Variants in ZNF880 observed in about 807,000 individuals in gnomAD.
ZNF880 encodes the protein zinc finger protein LOC400713.
Under a neutral mutation model 11.8 loss-of-function variants are expected in ZNF880, and 12 were observed. The observed-to-expected ratio is 1.02, with a 90% CI of 0.65 to 1.65. The LOEUF (loss-of-function observed/expected upper bound fraction) is 1.65. ZNF880 is among the 40% of genes most tolerant of loss of function. ZNF880 has a pLI of 0.00. For synonymous variants in ZNF880, 210 were observed against 232.4 expected, an observed-to-expected ratio of 0.90 and a Z score of 0.88; for missense variants, 601 against 673.9, an observed-to-expected ratio of 0.89 and a Z score of 1.20.
At chr19:52,382,879 G>A (rs1051080625) in intron 3 of ZNF880, among the ~76,000 whole-genome samples, 1 of 152,134 alleles carries the variant, frequency 6.6e-6, no homozygotes, top group African/African-American at 2.4e-5. Flanking sequence ...TGGTGATTTC[G>A]AATCTTCTGT....
rs1163952988 is a variant in ZNF880 at position 52,383,856 on chromosome 19, C to T, written c.276C>T (p.Ser92=). 1 of 1,542,338 alleles carries T rather than the reference C, an allele frequency of 6.5e-7. No individual in the cohort carries two copies. Among genetic ancestry groups the T allele is most frequent in the Non-Finnish European group, 8.7e-7 (1 of 1,145,574 alleles). Residue 92 remains serine, a synonymous_variant, in exon 4 of 4, where the codon AGC becomes AGT. Coordinates refer to ENST00000422689, the MANE Select transcript of ZNF880 (RefSeq NM_001145434.2). The part of the protein sequence containing the change: ...ECIKGVNAES[S]SKLGSNAGNK... ...TTTTTCTTTCTTTTTTAGAGAGCAG[C>T]TCTAAATTGGGAAGCAATGCCGGAA...
chr19:52,390,298 C>A (rs114127287), downstream of ZNF880: 2 of 382,106 alleles, frequency 5.2e-6, no homozygotes, highest in African/African-American at 4.3e-5. Context: ...TCCGCTCCCT[C>A]GTCAGCTCCT....
downstream of ZNF880, among the ~76,000 whole-genome samples, chr19:52,388,306 TAGGCA>T (rs1986949969): frequency 7.6e-6 from 1 of 131,088 alleles, no homozygotes; most frequent in African/African-American, 2.8e-5. Flanking sequence ...TTTTTTTTTT[TAGGCA>T]GAGTCTCTGT....
downstream of ZNF880, among the ~76,000 whole-genome samples, chr19:52,387,194 G>A (rs755857287): frequency 1.6e-4 from 23 of 144,080 alleles, 5 homozygotes; most frequent in Non-Finnish European, 1.8e-4. Context: ...TAAGGTTGAC[G>A]CATCCAGAAC....
chr19:52,369,852 G>C, upstream of ZNF880: 1 of 1,373,450 alleles, frequency 7.3e-7, no homozygotes, highest in Non-Finnish European at 1.0e-6. Flanking sequence ...TGGGAGCGAG[G>C]CGGAGGGAAG....
intron 2 of ZNF880, among the ~76,000 whole-genome samples, chr19:52,373,668 A>T (rs867436654): frequency 1.4e-4 from 14 of 101,572 alleles, no homozygotes; most frequent in African/African-American, 6.1e-4. Context: ...GAAATACTGT[A>T]ATTTTTTTTT....
chr19:52,367,048 C>T (rs948835586), upstream of ZNF880: 19 of 369,244 alleles, frequency 5.1e-5, no homozygotes, highest in South Asian at 6.0e-4. Flanking sequence ...CTGCTGGCAC[C>T]GTAATTTGTA....
chr19:52,373,065 T>G, intron 1 of ZNF880, 46 bp from the exon 2 acceptor site: 2 of 1,605,880 alleles, frequency 1.2e-6, no homozygotes, highest in East Asian at 4.5e-5. Flanking sequence ...AACTGTCTCC[T>G]CATTTTGTGT....
the ZNF880 span, chr19:52,391,477 G>GC: frequency 6.6e-6 from 1 of 151,928 alleles, no homozygotes. Context: ...AGGAAGAAGG[G>GC]CTTGAAATGA....
downstream of ZNF880, among the ~76,000 whole-genome samples, chr19:52,387,452 CTTTTT>C (rs10646059): frequency 3.1e-5 from 4 of 127,282 alleles, no homozygotes; most frequent in Admixed American, 3.1e-4. Context: ...ATGACAAATA[CTTTTT>C]TTTTTTTTTG....
At chr19:52,387,898 C>CT (rs71180454), downstream of ZNF880, among the ~76,000 whole-genome samples, 131 of 85,942 alleles carry the variant, frequency 1.5e-3, 4 homozygotes, top group East Asian at 3.5e-3. Context: ...CATAAATTTT[C>CT]TTTTTTTTTT....
chr19:52,384,142 G>C lies in ZNF880; in HGVS notation c.562G>C (p.Glu188Gln). Reference sequence around the variant, plus strand: ...AAGGGAAAAACCGTGTGAATGTAATGAGCATGGCAAAGCCTTTAGAGTGTC... The same window carrying C: ...AAGGGAAAAACCGTGTGAATGTAATCAGCATGGCAAAGCCTTTAGAGTGTC... ...QIREKPCECN[E>Q]HGKAFRVSSR... Residue 188 changes from glutamate to glutamine, a missense_variant, in exon 4 of 4, where the codon GAG becomes CAG. Physicochemically the swap from Glu to Gln is conservative, Grantham distance 29. Around this residue, in one of 3 missense-constraint regions of ZNF880, gnomAD observed 420 missense variants for 442.6 expected, o/e 0.95. Coordinates refer to ENST00000422689, the MANE Select transcript of ZNF880 (RefSeq NM_001145434.2). 1 of 1,605,470 alleles carries C rather than the reference G, an allele frequency of 6.2e-7. No homozygotes were observed. Among genetic ancestry groups the C allele is most frequent in the Non-Finnish European group, 8.5e-7 (1 of 1,175,512 alleles).
At position 52,384,392 on chromosome 19, in the gene ZNF880, A is replaced by G; in HGVS notation, c.812A>G (p.His271Arg). 2.7e-6 allele frequency: 4 copies of G among 1,493,428 alleles called. No individual in the cohort carries two copies. Among genetic ancestry groups the G allele is most frequent in the Non-Finnish European group, 3.6e-6 (4 of 1,104,900 alleles). The allele number at this position is 1,493,428 out of a possible 1,614,324, so 92.5% of individuals were successfully genotyped here. The change falls in exon 4 of 4, where the codon CAT (histidine) becomes CGT (arginine). Residue 271 changes from histidine to arginine, a missense_variant. Around this residue, in one of 3 missense-constraint regions of ZNF880, gnomAD observed 420 missense variants for 442.6 expected, o/e 0.95. Coordinates refer to ENST00000422689, the MANE Select transcript of ZNF880 (RefSeq NM_001145434.2). ...IHTGEKPYKC[H>R]ECGKVFTQNS... is the part of the protein sequence containing the mutation. ...ACTGGAGAGAAACCTTACAAATGTC[A>G]TGAGTGTGGCAAAGTCTTCACTCAA...
chr19:52,383,790 C>CAA (rs1229328625), intron 3 of ZNF880, 59 bp from the exon 4 acceptor site: 1 of 1,461,562 alleles, frequency 6.8e-7, no homozygotes, highest in Non-Finnish European at 9.1e-7. Context: ...GTCTCTCTGT[C>CAA]AGACACTGAA....
chr19:52,386,335 AT>A (rs1368229761), downstream of ZNF880, among the ~76,000 whole-genome samples: 10 of 143,340 alleles, frequency 7.0e-5, 1 homozygote, highest in African/African-American at 2.7e-4. Context: ...ATATAAAATG[AT>A]GATGGCAGTC....
At chr19:52,393,230 C>G in the ZNF880 span, among the ~76,000 whole-genome samples, 1 of 151,764 alleles carries the variant, frequency 6.6e-6, no homozygotes, top group African/African-American at 2.4e-5. Flanking sequence ...CTGCCACCAT[C>G]CTTGGCTAAT....
chr19:52,368,252 C>CTTCTAG (rs1986218033), upstream of ZNF880, among the ~76,000 whole-genome samples: 1 of 150,980 alleles, frequency 6.6e-6, no homozygotes, highest in Non-Finnish European at 1.5e-5. Flanking sequence ...TCTTTTTGTA[C>CTTCTAG]TTCTAGTGTT....
At chr19:52,383,212 C>A (rs1184731260) in intron 3 of ZNF880, among the ~76,000 whole-genome samples, 2 of 152,068 alleles carry the variant, frequency 1.3e-5, no homozygotes, top group African/African-American at 2.4e-5. Flanking sequence ...TCTCTGTTAT[C>A]TTTTTTAGCT....
At chr19:52,388,318 C>G, downstream of ZNF880, among the ~76,000 whole-genome samples, 1 of 46,342 alleles carries the variant, frequency 2.2e-5, no homozygotes, top group South Asian at 4.9e-4. Flanking sequence ...GGCAGAGTCT[C>G]TGTCACCAGG....
Sources: gnomAD v4.1 joint callset for allele counts (sites outside exome capture counted in the v4.1 genomes callset) on GRCh38, gnomAD v4.1.1 for gene constraint, gnomAD v4.1.1 regional missense constraint, MANE v1.5 for transcripts, NCBI Gene and HGNC (gene_info 2026-07-23, HGNC 2026-07-21) for gene names.